KLKB1: variants seen among roughly 807,000 people sequenced by gnomAD.
KLKB1 encodes the protein kallikrein B1.
A neutral mutation model predicts 73.6 loss-of-function variants in KLKB1; 58 were observed. That is an observed-to-expected ratio of 0.79 (90% confidence interval 0.64 to 0.98). KLKB1 has a LOEUF of 0.98. Among genes scored for constraint, KLKB1 ranks in the 50% least tolerant of loss-of-function variants. The pLI is 0.00. For missense variants in KLKB1, 737 were observed against 763.8 expected, an observed-to-expected ratio of 0.96 and a Z score of 0.41; for synonymous variants, 280 against 258.1, an observed-to-expected ratio of 1.08 and a Z score of -0.81.
intron 6 of KLKB1, among the ~76,000 whole-genome samples, chr4:186,247,452 CAGG>C (rs1738415814): frequency 6.6e-6 from 1 of 152,024 alleles, no homozygotes; most frequent in Non-Finnish European, 1.5e-5. Context: ...GCTTCTGAGC[CAGG>C]AGAAGGAATT....
intron 2 of KLKB1, 94 bp from the exon 3 acceptor site, chr4:186,232,033 A>G: frequency 1.1e-6 from 1 of 937,138 alleles, no homozygotes; most frequent in Non-Finnish European, 1.6e-6. Context: ...GTCTTTGAGT[A>G]GTCAGTCAGT....
At chr4:186,245,826 T>G (rs1738313554) in intron 6 of KLKB1, among the ~76,000 whole-genome samples, 1 of 133,836 alleles carries the variant, frequency 7.5e-6, no homozygotes, top group East Asian at 2.3e-4. Flanking sequence ...GTTTTTTGGT[T>G]TTTTTTTTTT....
intron 2 of KLKB1, among the ~76,000 whole-genome samples, chr4:186,229,887 C>A (rs187415680): frequency 6.6e-6 from 1 of 152,296 alleles, no homozygotes; most frequent in Admixed American, 6.5e-5. Flanking sequence ...CCAATCAGAG[C>A]CAACGTCTTG....
In KLKB1 at chr4:186,236,764, G is replaced by A. The variant is rs1411020630; in HGVS notation, c.329-17G>A. 4 of 1,613,124 alleles carry A rather than the reference G, an allele frequency of 2.5e-6. No homozygotes were observed. Among genetic ancestry groups the A allele is most frequent in the Non-Finnish European group, 3.4e-6 (4 of 1,179,176 alleles). On this transcript the variant is annotated splice_polypyrimidine_tract_variant and intron_variant, in intron 4 of 14. Coordinates refer to ENST00000264690, the MANE Select transcript of KLKB1 (RefSeq NM_000892.5). ...AGAAAATGGACTGTATTTGCTCTAT[G>A]TATTTTTCTTGTACAGCTTGCCATC...
chr4:186,215,469 A>G (rs867643138), intron 2 of KLKB1, among the ~76,000 whole-genome samples: 1 of 106,434 alleles, frequency 9.4e-6, no homozygotes. Flanking sequence ...TTTTTTTTCT[A>G]TATTCTACCT....
intron 11 of KLKB1, 55 bp downstream of exon 11, chr4:186,252,240 G>T: frequency 4.5e-6 from 7 of 1,555,122 alleles, no homozygotes; most frequent in South Asian, 1.1e-5. Context: ...CATTTTGAAG[G>T]ATCTATGATC....
At position 186,252,077 on chromosome 4, in the gene KLKB1, G is replaced by A. The variant is rs121964950; in HGVS notation, c.1205G>A (p.Trp402Ter). The change falls in exon 11 of 15, where the codon TGG (tryptophan) becomes TAG (stop). Residue 402 changes from tryptophan to a stop codon, truncating the protein, a stop_gained. Transcript: ENST00000264690. LOFTEE classifies it high-confidence loss of function. ...GGAACAAACTCTTCTTGGGGAGAGT[G>A]GCCCTGGCAGGTGAGCCTGCAGGTG... is the stretch of plus-strand genomic sequence containing the variant. ...VGGTNSSWGE[W>*]PWQVSLQVKL... 10 of 1,614,042 alleles carry A rather than the reference G, an allele frequency of 6.2e-6. No homozygotes were observed. The highest frequency in any genetic ancestry group is 8.5e-6 in the Non-Finnish European group (10 of 1,179,994).
At chr4:186,244,539 T>C (rs1334578599) in intron 6 of KLKB1, among the ~76,000 whole-genome samples, 2 of 152,090 alleles carry the variant, frequency 1.3e-5, no homozygotes, top group East Asian at 3.9e-4. Flanking sequence ...TCAGTCCAAG[T>C]GAAAGCGAAG....
intron 6 of KLKB1, among the ~76,000 whole-genome samples, chr4:186,245,457 G>A (rs1389185997): frequency 6.6e-6 from 1 of 152,204 alleles, no homozygotes; most frequent in African/African-American, 2.4e-5. Flanking sequence ...GTGGCAGCCA[G>A]GCCAGTTAGA....
At chr4:186,215,531 T>G (rs1736877717) in intron 2 of KLKB1, among the ~76,000 whole-genome samples, 1 of 152,100 alleles carries the variant, frequency 6.6e-6, no homozygotes. Context: ...TTAAGTTTTA[T>G]GCTTATGGAA....
rs28450771 is a variant in KLKB1, at chr4:186,248,049, C to T, written c.599-2194C>T. ...GATCACGGGGTCAGGAGATTGAAAC[C>T]ATCCTGGGTAACACGGTGAAGCCCT... On this transcript the variant is annotated intron_variant, in intron 6 of 14. Coordinates refer to ENST00000264690, the MANE Select transcript of KLKB1 (RefSeq NM_000892.5). Among the ~76,000 whole-genome samples, 630 of 152,214 alleles carry T rather than the reference C, an allele frequency of 4.1e-3. 3 individuals are homozygous for T. Among genetic ancestry groups the T allele is most frequent in the African/African-American group, 0.014 (597 of 41,544 alleles).
chr4:186,250,409 A>G lies in KLKB1; in HGVS notation c.758+7A>G, dbSNP rs1391362858. On this transcript the variant is annotated splice_region_variant and intron_variant, in intron 7 of 14. Coordinates refer to ENST00000264690, the MANE Select transcript of KLKB1 (RefSeq NM_000892.5). ...GGAAAATCGAGTCACAAAGGCGAGT[A>G]TGCATGGAAAATCGCATCACAAAGG... 1.2e-6 allele frequency: 2 copies of G among 1,613,748 alleles called. No homozygotes were observed. Among genetic ancestry groups the G allele is most frequent in the Admixed American group, 1.7e-5 (1 of 60,018 alleles).
chr4:186,224,472 G>T (rs13102931), upstream of KLKB1, among the ~76,000 whole-genome samples: 15,873 of 152,242 alleles, frequency 0.1, 914 homozygotes, highest in South Asian at 0.19. Flanking sequence ...GCATGCCCTG[G>T]GTGTGAGACA....
intron 9 of KLKB1, 42 bp from the exon 10 acceptor site, chr4:186,251,707 C>T (rs1451873300): frequency 6.2e-7 from 1 of 1,605,552 alleles, no homozygotes; most frequent in Admixed American, 1.7e-5. Context: ...ATTCTCTTTC[C>T]CCCTGTGAAG....
rs574255156 is a variant in KLKB1 at position 186,228,380 on chromosome 4, G to A, written c.58+127G>A. On this transcript the variant is annotated intron_variant, in intron 2 of 14. Transcript: ENST00000264690. ...GGTGGAGATTGTCCCTGATGATTCA[G>A]GACACGTGTCTATTTAATGTTCCAC... The A allele has an allele frequency of 6.9e-5, 48 of 694,434 alleles. No homozygotes were observed. The South Asian group carries it at 7.4e-4, about 11-fold the overall frequency. 43.0% of individuals were successfully genotyped at this position (694,434 alleles called of 1,614,324 possible). A position where few individuals can be genotyped will look rare whatever the true frequency, so the allele number is the denominator to read the frequency against.
intron 6 of KLKB1, among the ~76,000 whole-genome samples, chr4:186,246,992 T>C (rs1561460975): frequency 6.6e-6 from 1 of 152,044 alleles, no homozygotes; most frequent in South Asian, 2.1e-4. Context: ...GATTGAAGGA[T>C]GGCGCCAAGA....
intron 12 of KLKB1, among the ~76,000 whole-genome samples, chr4:186,255,605 G>A (rs1580044301): frequency 6.6e-6 from 1 of 152,276 alleles, no homozygotes; most frequent in Non-Finnish European, 1.5e-5. Context: ...TCTGTAAAAT[G>A]AGGATGATAA....
At position 186,218,109 on chromosome 4, in the gene KLKB1, A is replaced by G. The variant is rs985277283; in HGVS notation, c.201+8837A>G. 2.6e-5 allele frequency among the ~76,000 whole-genome samples: 4 copies of G among 152,232 alleles called. 1 individual carries two copies. Among genetic ancestry groups the G allele is most frequent in the Non-Finnish European group, 5.9e-5 (4 of 68,044 alleles). ...GTTTCAATAAAACTTTATTTACAAA[A>G]ACAGGTGCAAAGCCAAATGTGGTCT... is the stretch of plus-strand genomic sequence containing the variant. On this transcript the variant is annotated intron_variant, in intron 2 of 14. Transcript: ENST00000511608.
intron 6 of KLKB1, among the ~76,000 whole-genome samples, chr4:186,239,774 TACAGTGATATAGG>T (rs1344119228): frequency 1.4e-5 from 2 of 139,682 alleles, no homozygotes; most frequent in African/African-American, 2.6e-5. Flanking sequence ...GAGTTATAGG[TACAGTGATATAGG>T]ACAGTGATAT....
Sources: allele counts gnomAD v4.1 joint callset (sites outside exome capture counted in the v4.1 genomes callset), GRCh38; gene constraint gnomAD v4.1.1; transcripts MANE v1.5; gene names NCBI Gene and HGNC (gene_info 2026-07-23, HGNC 2026-07-21).